The following CRMP1 variants were observed in gnomAD, a reference collection of about 807,000 sequenced individuals.
CRMP1 encodes dihydropyrimidinase-related protein 1.
CRMP1 carries 19 observed loss-of-function variants against 68.3 expected under a neutral mutation model. The observed-to-expected ratio is 0.28, with a 90% confidence interval of 0.19 to 0.41. The LOEUF is 0.41. CRMP1 is among the 10% of genes least tolerant of loss of function. The probability of loss-of-function intolerance (pLI) is 1.00; values close to 1 mark genes in which losing one functional copy is unlikely to be tolerated. For missense variants in CRMP1, 791 were observed against 967.4 expected (o/e 0.82, Z 2.42); for synonymous variants, 439 against 399.6 (o/e 1.10, Z -1.18).
At chr4:5,849,083 C>T (rs1405547178) in intron 6 of CRMP1, among the ~76,000 whole-genome samples, 1 of 152,208 alleles carries the variant, frequency 6.6e-6, no homozygotes, top group Non-Finnish European at 1.5e-5. Context: ...GTTCCTTGCC[C>T]AAGGTCACAT....
chr4:5,857,101 A>G (rs982205588), intron 3 of CRMP1, among the ~76,000 whole-genome samples: 15 of 96,378 alleles, frequency 1.6e-4, no homozygotes, highest in African/African-American at 5.4e-4. Flanking sequence ...CACTAACATC[A>G]CCACCACCAC....
At position 5,871,386 on chromosome 4, in the gene CRMP1, T is replaced by C. The variant is rs908930698; in HGVS notation, c.382-4630A>G. Reference sequence around the variant, plus strand: ...TAGAAATCTCTAGGTTAAGGCTGGGTGCGGTGGCTCACACCTGTAATCCCA... The same window carrying C: ...TAGAAATCTCTAGGTTAAGGCTGGGCGCGGTGGCTCACACCTGTAATCCCA... On this transcript the variant is annotated intron_variant, in intron 1 of 13. Transcript: ENST00000324989. Among the ~76,000 whole-genome samples the C allele has an allele frequency of 5.3e-5, 8 of 152,148 alleles. No individual in the cohort carries two copies. In the South Asian group the frequency reaches 8.3e-4, roughly 16 times the overall value.
intron 1 of CRMP1, among the ~76,000 whole-genome samples, chr4:5,868,287 A>C (rs1189561571): frequency 1.7e-4 from 21 of 124,914 alleles, no homozygotes; most frequent in Admixed American, 3.1e-4. Context: ...ATATATATAT[A>C]TATATATATA....
chr4:5,827,587 C>T (rs1043339093), intron 12 of CRMP1, among the ~76,000 whole-genome samples: 1 of 152,150 alleles, frequency 6.6e-6, no homozygotes, highest in African/African-American at 2.4e-5. Context: ...GCCACACACA[C>T]AGAGCTCACC....
rs890819218 is a variant in CRMP1, at chr4:5,858,263, C to T, written c.656-1956G>A. ...TTCACTATGCTTACTAATTGGATCC[C>T]TTTTCTTTGTGCCAGCTCATTGAAA... On this transcript the variant is annotated intron_variant, in intron 3 of 13. Transcript: ENST00000324989. This position sits in a 1 kb window ranked among gnomAD's most constrained non-coding sequence, Gnocchi z 5.5. Among the ~76,000 whole-genome samples, 1 of 152,150 alleles carries T rather than the reference C, an allele frequency of 6.6e-6. No individual in the cohort carries two copies. The highest frequency in any genetic ancestry group is 2.4e-5 in the African/African-American group (1 of 41,426).
chr4:5,828,796 C>A, intron 11 of CRMP1, 128 bp from the exon 12 acceptor site: 3 of 1,152,856 alleles, frequency 2.6e-6, no homozygotes, highest in South Asian at 1.7e-5. Context: ...TCTAAAAATA[C>A]CTTTTATTGA....
In CRMP1 at chr4:5,856,264, A is replaced by T; in HGVS notation, c.699T>A (p.Ser233=). 6.2e-7 allele frequency: 1 copy of T among 1,613,846 alleles called. No individual in the cohort carries two copies. Among genetic ancestry groups the T allele is most frequent in the Non-Finnish European group, 8.5e-7 (1 of 1,179,864 alleles). ...CAGCTGCTTCGTGCCACTTCTCGAA[A>T]GAGGTCAGTAGGCTGGACCCAGGTT... ...VPEPGSSLLT[S]FEKWHEAADT... Residue 233 remains serine (S), a synonymous_variant, in exon 4 of 14, where the codon TCT becomes TCA. Coordinates refer to ENST00000324989, the MANE Select transcript of CRMP1 (RefSeq NM_001014809.3).
chr4:5,857,439 T>C (rs1284812690), intron 3 of CRMP1, among the ~76,000 whole-genome samples: 1 of 151,664 alleles, frequency 6.6e-6, no homozygotes. Flanking sequence ...TCATTAACCA[T>C]AACCATTAGC....
rs139905920 is a variant in CRMP1 at position 5,864,948 on chromosome 4, G to A, written c.470+1720C>T. ...ATGGTCAAAGTCTGGGACTAGAATTGGGGGGTGGGCTGGGGGGAGGCAGGG... is the reference window on the plus strand; with the variant it reads ...ATGGTCAAAGTCTGGGACTAGAATTAGGGGGTGGGCTGGGGGGAGGCAGGG... On this transcript the variant is annotated intron_variant, in intron 2 of 13. Coordinates refer to ENST00000324989, the MANE Select transcript of CRMP1 (RefSeq NM_001014809.3). Among the ~76,000 whole-genome samples, 908 of 151,418 alleles carry A rather than the reference G, an allele frequency of 6.0e-3. 12 individuals are homozygous for A. The highest frequency in any genetic ancestry group is 0.02 in the African/African-American group (838 of 41,144).
intron 6 of CRMP1, among the ~76,000 whole-genome samples, chr4:5,845,181 C>A (rs371965308): frequency 9.8e-5 from 15 of 152,306 alleles, no homozygotes; most frequent in African/African-American, 3.4e-4. Context: ...TAAGATGACT[C>A]CCAGTGATCC....
At chr4:5,849,361 G>C (rs767538928) in intron 6 of CRMP1, 31 bp downstream of exon 6, 5 of 1,549,924 alleles carry the variant, frequency 3.2e-6, no homozygotes, top group Non-Finnish European at 2.7e-6. Context: ...ATCAGACTGA[G>C]GTAGAAGGAG....
At chr4:5,831,711 G>A (rs80164149) in intron 11 of CRMP1, among the ~76,000 whole-genome samples, 159 of 152,286 alleles carry the variant, frequency 1.0e-3, no homozygotes, top group African/African-American at 3.3e-3. Flanking sequence ...AGAGGTGTGA[G>A]GAGGCCCTGG....
Position 5,843,152 on chromosome 4 carries a change from G to A in CRMP1, c.973C>T (p.Arg325Trp), listed in dbSNP as rs1663354924. ...CCCGTGATGCCCATCTCCAGGATCCGCTTTTGTTCCTACAAGACAAGAACA... is the reference window on the plus strand; with the variant it reads ...CCCGTGATGCCCATCTCCAGGATCCACTTTTGTTCCTACAAGACAAGAACA... Reference protein sequence around the residue: ...NGDLIAQEQKRILEMGITGPE... With the variant: ...NGDLIAQEQKWILEMGITGPE... Residue 325 changes from arginine (R) to tryptophan (W), a missense_variant, in exon 7 of 14, where the codon CGG becomes TGG. Physicochemically the swap from Arg to Trp is moderately radical, Grantham distance 101. This residue lies in a region of CRMP1 where 594 missense variants were observed against 763.6 expected (regional missense o/e 0.78). Coordinates refer to ENST00000324989, the MANE Select transcript of CRMP1 (RefSeq NM_001014809.3). The surrounding 1 kb of genome is among the most constrained non-coding windows in gnomAD (Gnocchi z 4.1). 5.0e-6 allele frequency: 8 copies of A among 1,614,134 alleles called. No homozygotes were observed. The highest frequency in any genetic ancestry group is 2.2e-5 in the East Asian group (1 of 44,860).
At chr4:5,886,716 C>T (rs1715613456) in intron 1 of CRMP1, among the ~76,000 whole-genome samples, 1 of 152,258 alleles carries the variant, frequency 6.6e-6, no homozygotes, top group African/African-American at 2.4e-5. Flanking sequence ...GACCCCATCA[C>T]CTGCCTCAGT....
chr4:5,862,307 C>T (rs1713634111), intron 2 of CRMP1, among the ~76,000 whole-genome samples: 1 of 147,748 alleles, frequency 6.8e-6, no homozygotes, highest in Non-Finnish European at 1.5e-5. Flanking sequence ...TTATAATAAC[C>T]AATCCCTTAC....
In CRMP1 at chr4:5,870,565, T is replaced by G. The variant is rs555285532; in HGVS notation, c.382-3809A>C. On this transcript the variant is annotated intron_variant, in intron 1 of 13. Coordinates refer to ENST00000324989, the MANE Select transcript of CRMP1 (RefSeq NM_001014809.3). The surrounding 1 kb of genome is among the most constrained non-coding windows in gnomAD (Gnocchi z 6.0). ...TCCGGCATCTTGGACACAGCCTGGC[T>G]GGCTGCCTGGGTGACTGAACTGATT... 3.3e-5 allele frequency among the ~76,000 whole-genome samples: 5 copies of G among 152,342 alleles called. No homozygotes were observed. In the South Asian group the frequency reaches 1.0e-3, roughly 32 times the overall value.
rs1715908658 is a variant in CRMP1, at chr4:5,890,826, T to C, written c.381+1763A>G. ...ACATTGACCGCAGTTCCAGAGGAAC[T>C]CTCCTTGGGACAGCTACGGGCCGTG... On this transcript the variant is annotated intron_variant, in intron 1 of 13. Coordinates refer to ENST00000324989, the MANE Select transcript of CRMP1 (RefSeq NM_001014809.3). The surrounding 1 kb of genome is among the most constrained non-coding windows in gnomAD (Gnocchi z 5.5). Among the ~76,000 whole-genome samples, 1 of 151,942 alleles carries C rather than the reference T, an allele frequency of 6.6e-6. No homozygotes were observed. Among genetic ancestry groups the C allele is most frequent in the South Asian group, 2.1e-4 (1 of 4,806 alleles).
rs1712808992 is a variant in CRMP1, at chr4:5,853,390, T to A, written c.821-1921A>T. On this transcript the variant is annotated intron_variant, in intron 4 of 13. Coordinates refer to ENST00000324989, the MANE Select transcript of CRMP1 (RefSeq NM_001014809.3). This position sits in a 1 kb window ranked among gnomAD's most constrained non-coding sequence, Gnocchi z 4.7. ...TTGCACTCCAGCCTGGGTGACAGAG[T>A]AAGACTCCATCAGAAGGAAAGAAAG... Among the ~76,000 whole-genome samples, 1 of 151,794 alleles carries A rather than the reference T, an allele frequency of 6.6e-6. No homozygotes were observed. Among genetic ancestry groups the A allele is most frequent in the Non-Finnish European group, 1.5e-5 (1 of 67,960 alleles).
At chr4:5,874,598 T>C (rs1292104783) in intron 1 of CRMP1, among the ~76,000 whole-genome samples, 2 of 151,564 alleles carry the variant, frequency 1.3e-5, no homozygotes, top group East Asian at 3.9e-4. Context: ...TTAGCAGATG[T>C]TTGCTGGGCA....
Sources: allele counts gnomAD v4.1 joint callset (sites outside exome capture counted in the v4.1 genomes callset), GRCh38; gene constraint gnomAD v4.1.1; regional missense constraint gnomAD v4.1.1; non-coding constraint Gnocchi (gnomAD v3.1); transcripts MANE v1.5; gene names NCBI Gene and HGNC (gene_info 2026-07-23, HGNC 2026-07-21).